The following SLC6A4 variants were observed in gnomAD, a reference collection of about 807,000 sequenced individuals.
The protein encoded by SLC6A4 is sodium-dependent serotonin transporter.
SLC6A4 carries 22 observed loss-of-function variants against 73.4 expected under a neutral mutation model. The observed-to-expected ratio is 0.30, with a 90% CI of 0.21 to 0.43. The LOEUF is 0.43. Ranked by LOEUF, SLC6A4 falls within the 20% of genes least tolerant of loss-of-function variation. The pLI is 1.00. For synonymous variants in SLC6A4, 270 were observed against 315.5 expected (o/e 0.86, Z 1.53); for missense variants, 593 against 808.5 (o/e 0.73, Z 3.23).
In SLC6A4 at chr17:30,235,441, G is replaced by GC. The variant is rs561452489; in HGVS notation, c.-221+171dup. On this transcript the variant is annotated intron_variant, in intron 1 of 14. Transcript: ENST00000650711. This position sits in a 1 kb window ranked among gnomAD's most constrained non-coding sequence, Gnocchi z 4.5. ...CCGGTCAGCTTCAGCTCTGGCTCTT[G>GC]CTGAGCGTGGAGGGCGCAGGGGCAG... 4.6e-5 allele frequency among the ~76,000 whole-genome samples: 7 copies of GC among 152,350 alleles called. No individual in the cohort carries two copies. Among genetic ancestry groups the GC allele is most frequent in the African/African-American group, 1.7e-4 (7 of 41,584 alleles).
chr17:30,214,999 C>CCTTTCTTTCTTTCTTCTTTCT (rs1555588694), intron 8 of SLC6A4, among the ~76,000 whole-genome samples: 8 of 27,414 alleles, frequency 2.9e-4, no homozygotes, highest in East Asian at 2.7e-3. Flanking sequence ...TTCCTTCCTT[C>CCTTTCTTTCTTTCTTCTTTCT]CTTTCTTTCT....
intron 4 of SLC6A4, among the ~76,000 whole-genome samples, 197 bp downstream of exon 4, chr17:30,218,600 T>C (rs896302936): frequency 1.5e-4 from 23 of 152,376 alleles, no homozygotes; most frequent in African/African-American, 5.5e-4. Flanking sequence ...ATTAGTTTAC[T>C]TCTCATTGCC....
Position 30,235,685 on chromosome 17 carries a change from C to A in SLC6A4, c.-293G>T, listed in dbSNP as rs1907251400. The A allele has an allele frequency of 6.6e-6, 1 of 152,332 alleles. No individual in the cohort carries two copies. Among genetic ancestry groups the A allele is most frequent in the Non-Finnish European group, 1.5e-5 (1 of 68,172 alleles). 9.4% of individuals were successfully genotyped at this position (152,332 alleles called of 1,614,324 possible). ...GGCCTCGCGCCCTCGAGGCACCCGG[C>A]GGCGCTGGCTGTGCGGAGGGGCGCC... On this transcript the variant is annotated 5_prime_UTR_variant, in exon 1 of 15. Coordinates refer to ENST00000650711, the MANE Select transcript of SLC6A4 (RefSeq NM_001045.6). This position sits in a 1 kb window ranked among gnomAD's most constrained non-coding sequence, Gnocchi z 4.5.
chr17:30,229,124 A>C (rs967084487), intron 1 of SLC6A4, among the ~76,000 whole-genome samples: 2 of 152,132 alleles, frequency 1.3e-5, no homozygotes, highest in African/African-American at 4.8e-5. Context: ...TGGGCAGAGG[A>C]GGAGGGCTGC....
At chr17:30,206,567 A>G (rs563902836) in intron 13 of SLC6A4, 1 of 152,294 alleles carries the variant, frequency 6.6e-6, no homozygotes, top group African/African-American at 2.4e-5. Context: ...AAAATTGTAA[A>G]CACAGAAGTA....
At chr17:30,208,858 A>AT (rs35246799) in intron 12 of SLC6A4, among the ~76,000 whole-genome samples, 59,983 of 143,938 alleles carry the variant, frequency 0.42, 13,081 homozygotes, top group East Asian at 0.81. Context: ...TGCCCGGCTA[A>AT]TTTTTTTTTT....
chr17:30,201,359 G>A (rs770707404), intron 14 of SLC6A4, among the ~76,000 whole-genome samples: 9 of 152,096 alleles, frequency 5.9e-5, no homozygotes, highest in Non-Finnish European at 1.0e-4. Flanking sequence ...GTGGCCCCTC[G>A]TGAAGACGCC....
chr17:30,216,013 A>G, intron 7 of SLC6A4, 69 bp downstream of exon 7: 2 of 1,411,522 alleles, frequency 1.4e-6, no homozygotes, highest in Non-Finnish European at 2.0e-6. Flanking sequence ...CTACTGTCCT[A>G]TTTGGAGGAG....
At chr17:30,202,231 G>C (rs1906061515) in intron 14 of SLC6A4, among the ~76,000 whole-genome samples, 4 of 152,122 alleles carry the variant, frequency 2.6e-5, no homozygotes, top group Admixed American at 2.6e-4. Flanking sequence ...TCCGTTCTCA[G>C]GCTATTATAG....
chr17:30,224,110 C>T (rs977751745), intron 1 of SLC6A4, among the ~76,000 whole-genome samples: 6 of 152,160 alleles, frequency 3.9e-5, no homozygotes, highest in East Asian at 1.9e-4. Context: ...AAACAACTGA[C>T]GAACTTGAAG....
In SLC6A4 at chr17:30,216,203, G is replaced by C; in HGVS notation, c.851C>G (p.Thr284Arg). 2 of 1,491,962 alleles carry C rather than the reference G, an allele frequency of 1.3e-6. No individual in the cohort carries two copies. Among genetic ancestry groups the C allele is most frequent in the Non-Finnish European group, 1.8e-6 (2 of 1,103,302 alleles). The allele number at this position is 1,491,962 out of a possible 1,614,324, so 92.4% of individuals were successfully genotyped here. Residue 284 changes from threonine to arginine, a missense_variant, in exon 7 of 15, where the codon ACA (threonine) becomes AGA (arginine). Physicochemically the swap from Thr to Arg is moderately conservative, Grantham distance 71 (BLOSUM62 -1). Coordinates refer to ENST00000650711, the MANE Select transcript of SLC6A4 (RefSeq NM_001045.6). ...VKTSGKVVWV[T>R]ATFPYIILSV... ...AAGGATGATATAAGGGAAGGTGGCT[G>C]TCACCCACACCACCTGTAAGGAAGA...
chr17:30,230,083 A>G (rs975623422), intron 1 of SLC6A4, among the ~76,000 whole-genome samples: 58 of 127,126 alleles, frequency 4.6e-4, no homozygotes, highest in African/African-American at 2.2e-3. Context: ...AAGAAGAAGA[A>G]GAAGAAGAAG....
At chr17:30,219,433 T>C (rs1906680118) in intron 3 of SLC6A4, among the ~76,000 whole-genome samples, 1 of 152,194 alleles carries the variant, frequency 6.6e-6, no homozygotes, top group Non-Finnish European at 1.5e-5. Context: ...ATGCAGCCAG[T>C]ACCTGGGACC....
intron 14 of SLC6A4, among the ~76,000 whole-genome samples, chr17:30,200,044 G>T (rs1364493809): frequency 3.3e-5 from 5 of 152,164 alleles, no homozygotes; most frequent in Non-Finnish European, 7.3e-5. Context: ...ACCTACAGGT[G>T]CATGGTACGA....
At chr17:30,202,165 G>A (rs1906058323) in intron 14 of SLC6A4, among the ~76,000 whole-genome samples, 1 of 152,110 alleles carries the variant, frequency 6.6e-6, no homozygotes, top group Admixed American at 6.5e-5. Flanking sequence ...GTCTTAGGAT[G>A]ACTATTGTGA....
At position 30,218,235 on chromosome 17, in the gene SLC6A4, T is replaced by C. The variant is rs763156986; in HGVS notation, c.581A>G (p.Gln194Arg). ...GTTCTTGCAGCTGGTCCAGGGCAGCTGGTCCGTGAAGGAGGAGATGAGGTA... is the reference window on the plus strand; with the variant it reads ...GTTCTTGCAGCTGGTCCAGGGCAGCCGGTCCGTGAAGGAGGAGATGAGGTA... Reference protein sequence around the residue: ...LYYLISSFTDQLPWTSCKNSW... With the variant: ...LYYLISSFTDRLPWTSCKNSW... Residue 194 changes from glutamine (Q) to arginine (R), a missense_variant, in exon 5 of 15, where the codon CAG (glutamine) becomes CGG (arginine). By Grantham distance (43) the Gln-to-Arg change is conservative. Transcript: ENST00000650711. 1.9e-6 allele frequency: 3 copies of C among 1,614,218 alleles called. No individual in the cohort carries two copies. In the South Asian group the frequency reaches 3.3e-5, roughly 18 times the overall value.
At chr17:30,222,789 G>T in intron 2 of SLC6A4, 30 bp downstream of exon 2, 1 of 1,304,244 alleles carries the variant, frequency 7.7e-7, no homozygotes, top group Non-Finnish European at 1.0e-6. Context: ...TTGCAAGCCC[G>T]ACTGGTCCTT....
At chr17:30,209,013 A>G in intron 12 of SLC6A4, 130 bp downstream of exon 12, 2 of 614,648 alleles carry the variant, frequency 3.3e-6, no homozygotes, top group Non-Finnish European at 5.8e-6. Context: ...AGACTCTTTT[A>G]CAGACCCATC....
rs529226443 is a variant in SLC6A4 at position 30,210,487 on chromosome 17, A to T, written c.1449+28T>A. On this transcript the variant is annotated intron_variant, in intron 11 of 14. Coordinates refer to ENST00000650711, the MANE Select transcript of SLC6A4 (RefSeq NM_001045.6). Reference sequence around the variant, plus strand: ...CGTTCTGCTGCCCTAGGGGAGGCCAACTCAAAGCTGAGGGGCATGATACTC... The same window carrying T: ...CGTTCTGCTGCCCTAGGGGAGGCCATCTCAAAGCTGAGGGGCATGATACTC... 3.1e-6 allele frequency: 5 copies of T among 1,607,498 alleles called. No individual in the cohort carries two copies. In the African/African-American group the frequency reaches 6.7e-5, roughly 21 times the overall value.
Sources: gnomAD v4.1 joint callset for allele counts (sites outside exome capture counted in the v4.1 genomes callset) on GRCh38, gnomAD v4.1.1 for gene constraint, Gnocchi (gnomAD v3.1) non-coding constraint, MANE v1.5 for transcripts, NCBI Gene and HGNC (gene_info 2026-07-23, HGNC 2026-07-21) for gene names.